The following RNF214 variants were observed in gnomAD, a reference collection of about 807,000 sequenced individuals.
The protein encoded by RNF214 is ring finger protein 214.
RNF214 carries 25 observed loss-of-function variants against 75.9 expected under a neutral mutation model. That is an observed-to-expected ratio of 0.33 (90% confidence interval 0.24 to 0.46). The LOEUF is 0.46. Among genes scored for constraint, RNF214 ranks in the 20% least tolerant of loss-of-function variants. The pLI, the probability that RNF214 is intolerant of heterozygous loss-of-function variation, is 1.00. For missense variants in RNF214, 725 were observed against 857.5 expected (o/e 0.85, Z 1.93); for synonymous variants, 314 against 308.8 (o/e 1.02, Z -0.18).
rs532063649 is a variant in RNF214, at chr11:117,243,798, C to G, written c.679-647C>G. Among the ~76,000 whole-genome samples, 29 of 152,280 alleles carry G rather than the reference C, an allele frequency of 1.9e-4. 2 individuals are homozygous for G. Among genetic ancestry groups the G allele is most frequent in the African/African-American group, 7.0e-4 (29 of 41,558 alleles). ...TCTTCAGCTTCTGGCCTCAAGCAGT[C>G]TTCCTGCCTTGGCCCCTCAAAGCTG... On this transcript the variant is annotated intron_variant, in intron 4 of 14. Transcript: ENST00000300650.
chr11:117,281,647 G>T lies in RNF214; in HGVS notation c.1284G>T (p.Leu428=), dbSNP rs1311063318. 5 of 1,613,594 alleles carry T rather than the reference G, an allele frequency of 3.1e-6. No individual in the cohort carries two copies. The highest frequency in any genetic ancestry group is 4.2e-6 in the Non-Finnish European group (5 of 1,179,824). ...HIQLVRNGAK[L]SSLPQIPTPT... is the part of the protein sequence containing the mutation. ...AGTTAGTGAGGAACGGAGCCAAGCT[G>T]AGCAGCCTTCCTCAAATCCCTACTC... The change falls in exon 10 of 15, where the codon CTG becomes CTT. Residue 428 remains leucine (L), a synonymous_variant. Transcript: ENST00000300650.
intron 2 of RNF214, 119 bp downstream of exon 2, chr11:117,234,498 A>G (rs921527418): frequency 2.4e-4 from 154 of 649,104 alleles, no homozygotes; most frequent in Middle Eastern, 2.2e-3. Context: ...TTAAAGGTAC[A>G]GGACTGTCTG....
intron 6 of RNF214, among the ~76,000 whole-genome samples, chr11:117,266,565 G>T (rs891617906): frequency 6.6e-6 from 1 of 151,990 alleles, no homozygotes; most frequent in Non-Finnish European, 1.5e-5. Context: ...TTGCCATGTC[G>T]CCCAGGCTGG....
chr11:117,252,049 A>G (rs1038672649), intron 6 of RNF214, among the ~76,000 whole-genome samples: 2 of 151,966 alleles, frequency 1.3e-5, no homozygotes, highest in Non-Finnish European at 2.9e-5. Flanking sequence ...TTGTATTTTT[A>G]GTAGAGACGA....
intron 8 of RNF214, among the ~76,000 whole-genome samples, chr11:117,280,869 G>A (rs1253646150): frequency 6.6e-6 from 1 of 151,934 alleles, no homozygotes; most frequent in Non-Finnish European, 1.5e-5. Flanking sequence ...GAGTTAAAGT[G>A]AGGCAAAGGA....
At chr11:117,263,028 A>T (rs183007792) in intron 6 of RNF214, among the ~76,000 whole-genome samples, 1 of 151,804 alleles carries the variant, frequency 6.6e-6, no homozygotes, top group Non-Finnish European at 1.5e-5. Flanking sequence ...GCTGGTCTTG[A>T]ACTCCTGGGC....
At chr11:117,236,343 C>T (rs1264012054) in intron 2 of RNF214, among the ~76,000 whole-genome samples, 4 of 149,980 alleles carry the variant, frequency 2.7e-5, no homozygotes, top group African/African-American at 4.9e-5. Flanking sequence ...GCGCGATTTC[C>T]GCTCACTGCA....
chr11:117,237,748 A>C (rs181838984), intron 2 of RNF214, among the ~76,000 whole-genome samples: 7 of 152,314 alleles, frequency 4.6e-5, no homozygotes, highest in African/African-American at 1.7e-4. Context: ...GCATATGTAT[A>C]CTTACTGTGT....
intron 6 of RNF214, among the ~76,000 whole-genome samples, chr11:117,271,065 A>C (rs931716162): frequency 3.3e-5 from 5 of 151,676 alleles, no homozygotes; most frequent in African/African-American, 1.2e-4. Flanking sequence ...ACGCTTGGCT[A>C]ATTTTTGTAT....
At chr11:117,269,462 A>G (rs562514775) in intron 6 of RNF214, among the ~76,000 whole-genome samples, 11 of 152,268 alleles carry the variant, frequency 7.2e-5, no homozygotes, top group Middle Eastern at 3.4e-3. Context: ...CCCCAGGCTC[A>G]GGTGATCCTC....
At chr11:117,255,946 A>T (rs531228695) in intron 6 of RNF214, among the ~76,000 whole-genome samples, 59 of 152,304 alleles carry the variant, frequency 3.9e-4, no homozygotes, top group African/African-American at 1.4e-3. Context: ...TAAAGTTTTA[A>T]CCCTTTACTT....
chr11:117,265,309 G>A (rs1417693185), intron 6 of RNF214, among the ~76,000 whole-genome samples: 2 of 152,096 alleles, frequency 1.3e-5, no homozygotes, highest in Non-Finnish European at 2.9e-5. Context: ...AAAAGACTAC[G>A]TGCCAGTGGA....
At chr11:117,257,196 G>A (rs1485704212) in intron 6 of RNF214, among the ~76,000 whole-genome samples, 1 of 152,076 alleles carries the variant, frequency 6.6e-6, no homozygotes, top group East Asian at 1.9e-4. Context: ...AATTAGCTGG[G>A]CATGTTGGTG....
rs770837526 is a variant in RNF214 at position 117,239,852 on chromosome 11, A to G, written c.670A>G (p.Lys224Glu). Reference sequence around the variant, plus strand: ...GGTAAACACAGATCAAGATATTGAAAAGAATTTGGTAAGTATTTAAACTGT... The same window carrying G: ...GGTAAACACAGATCAAGATATTGAAGAGAATTTGGTAAGTATTTAAACTGT... ...SEVNTDQDIE[K>E]NLDKMMTERT... is the part of the protein sequence containing the mutation. Residue 224 changes from lysine (K) to glutamate (E), a missense_variant, in exon 4 of 15, where the codon AAG (lysine) becomes GAG (glutamate). Around this residue, in one of 2 missense-constraint regions of RNF214, gnomAD observed 362 missense variants for 344.5 expected, o/e 1.05. Coordinates refer to ENST00000300650, the MANE Select transcript of RNF214 (RefSeq NM_207343.4). The G allele has an allele frequency of 1.8e-5, 28 of 1,534,840 alleles. No homozygotes were observed. The highest frequency in any genetic ancestry group is 2.5e-5 in the Non-Finnish European group (28 of 1,108,192).
At chr11:117,277,730 G>T (rs1185626173) in intron 6 of RNF214, among the ~76,000 whole-genome samples, 1 of 152,232 alleles carries the variant, frequency 6.6e-6, no homozygotes, top group Admixed American at 6.5e-5. Context: ...CCAGCACTTT[G>T]GGAGGCTGAG....
chr11:117,281,085 C>T (rs374201545), intron 8 of RNF214, among the ~76,000 whole-genome samples: 8 of 150,978 alleles, frequency 5.3e-5, no homozygotes, highest in Admixed American at 2.6e-4. Flanking sequence ...AGCCATCCTC[C>T]TACCTCAGCC....
At position 117,236,121 on chromosome 11, in the gene RNF214, C is replaced by T. The variant is rs530163478; in HGVS notation, c.107+1742C>T. ...GATTATAGGCACCTGCTTGGTAGCCCGGCTAATTTTTGTATTTTTAGTGGA... is the reference window on the plus strand; with the variant it reads ...GATTATAGGCACCTGCTTGGTAGCCTGGCTAATTTTTGTATTTTTAGTGGA... On this transcript the variant is annotated intron_variant, in intron 2 of 14. Coordinates refer to ENST00000300650, the MANE Select transcript of RNF214 (RefSeq NM_207343.4). 7.4e-4 allele frequency among the ~76,000 whole-genome samples: 112 copies of T among 151,678 alleles called. 4 individuals carry two copies. The South Asian group carries it at 0.022, about 30-fold the overall frequency.
chr11:117,267,471 G>A (rs552572984), intron 6 of RNF214, among the ~76,000 whole-genome samples: 1 of 152,188 alleles, frequency 6.6e-6, no homozygotes, highest in Admixed American at 6.5e-5. Context: ...CAGCAGTTTG[G>A]GAGGCCGAGG....
intron 6 of RNF214, among the ~76,000 whole-genome samples, chr11:117,262,160 C>A (rs1403917253): frequency 6.6e-6 from 1 of 151,568 alleles, no homozygotes; most frequent in East Asian, 1.9e-4. Context: ...AGCTCTGCCT[C>A]CCTGCAAGCT....
Sources: allele counts gnomAD v4.1 joint callset (sites outside exome capture counted in the v4.1 genomes callset), GRCh38; gene constraint gnomAD v4.1.1; regional missense constraint gnomAD v4.1.1; transcripts MANE v1.5; gene names NCBI Gene and HGNC (gene_info 2026-07-23, HGNC 2026-07-21).